SAMSN1: variants seen among roughly 807,000 people sequenced by gnomAD.
SAMSN1 encodes the protein SAM domain, SH3 domain and nuclear localization signals 1.
In SAMSN1, 31 loss-of-function variants were observed where a neutral mutation model predicts 42.0. The ratio of observed to expected loss-of-function variants is 0.74; its 90% CI spans 0.55 to 1.00. SAMSN1 has a LOEUF of 1.00. Ranked by LOEUF, SAMSN1 falls within the 50% of genes least tolerant of loss-of-function variation. The pLI, the probability that SAMSN1 is intolerant of heterozygous loss-of-function variation, is 0.00. For missense variants in SAMSN1, 464 were observed against 439.4 expected (o/e 1.06, Z -0.50); for synonymous variants, 178 against 151.9 (o/e 1.17, Z -1.26).
chr21:14,599,589 A>G (rs766531897), intron 6 of SAMSN1, among the ~76,000 whole-genome samples: 1 of 152,236 alleles, frequency 6.6e-6, no homozygotes, highest in East Asian at 1.9e-4. Context: ...TCCTTCTACA[A>G]TAGGTTAATG....
chr21:14,592,766 G>A (rs1041139183), intron 7 of SAMSN1: 3 of 210,250 alleles, frequency 1.4e-5, no homozygotes, highest in East Asian at 1.3e-4. Context: ...GCAGAAATAC[G>A]AATTAAGTGG....
At chr21:14,555,909 T>C (rs1239127304) in intron 2 of SAMSN1, among the ~76,000 whole-genome samples, 1 of 152,202 alleles carries the variant, frequency 6.6e-6, no homozygotes, top group Non-Finnish European at 1.5e-5. Context: ...AACTTTTATC[T>C]GAACATAGTA....
At position 14,530,214 on chromosome 21, in the gene SAMSN1, G is replaced by A. The variant is rs913603645; in HGVS notation, c.58-8993C>T. Among the ~76,000 whole-genome samples, 27 of 151,952 alleles carry A rather than the reference G, an allele frequency of 1.8e-4. 3 individuals carry two copies. The highest frequency in any genetic ancestry group is 1.2e-3 in the Admixed American group (18 of 15,264). Reference sequence around the variant, plus strand: ...TGCCTGTAGTCCCAGCTACTTGGGAGGCTGAGGCAGGAGAATGGCGTGAAC... The same window carrying A: ...TGCCTGTAGTCCCAGCTACTTGGGAAGCTGAGGCAGGAGAATGGCGTGAAC... On this transcript the variant is annotated intron_variant, in intron 1 of 7. Transcript: ENST00000400566.
At chr21:14,553,978 T>C (rs747680966) in intron 2 of SAMSN1, among the ~76,000 whole-genome samples, 1 of 152,162 alleles carries the variant, frequency 6.6e-6, no homozygotes, top group Non-Finnish European at 1.5e-5. Flanking sequence ...AACGGATTAG[T>C]CCAATGTTGA....
At chr21:14,613,712 A>G (rs562686732) in intron 3 of SAMSN1, among the ~76,000 whole-genome samples, 1 of 152,258 alleles carries the variant, frequency 6.6e-6, no homozygotes, top group Admixed American at 6.5e-5. Flanking sequence ...AATATTGTAA[A>G]GTGAGGTAAG....
chr21:14,502,256 G>GCTGGGT (rs59866274), intron 5 of SAMSN1, among the ~76,000 whole-genome samples: 39,987 of 151,604 alleles, frequency 0.26, 7,173 homozygotes, highest in African/African-American at 0.52. Flanking sequence ...GATCTGTTAG[G>GCTGGGT]CTTTCTGCCT....
At chr21:14,530,412 C>T (rs1979194540) in intron 1 of SAMSN1, among the ~76,000 whole-genome samples, 2 of 151,376 alleles carry the variant, frequency 1.3e-5, no homozygotes, top group Admixed American at 6.6e-5. Context: ...GGAACATATG[C>T]TATGTATAAG....
intron 2 of SAMSN1, among the ~76,000 whole-genome samples, chr21:14,621,238 A>AT (rs1982995589): frequency 6.6e-6 from 1 of 152,230 alleles, no homozygotes; most frequent in African/African-American, 2.4e-5. Context: ...TGAGTGACAC[A>AT]GAAGACGGGT....
At chr21:14,536,905 C>A (rs142656980) in intron 1 of SAMSN1, among the ~76,000 whole-genome samples, 3 of 152,222 alleles carry the variant, frequency 2.0e-5, no homozygotes, top group African/African-American at 7.2e-5. Flanking sequence ...CAAATATATC[C>A]CAAATTTAGA....
chr21:14,506,820 C>G (rs1987432649), intron 5 of SAMSN1, among the ~76,000 whole-genome samples: 1 of 152,100 alleles, frequency 6.6e-6, no homozygotes, highest in Non-Finnish European at 1.5e-5. Flanking sequence ...CTGAATTCAA[C>G]AACATATCAA....
Position 14,621,479 on chromosome 21 carries a change from G to A in SAMSN1, c.157-5463C>T, listed in dbSNP as rs1433761713. ...CACTTTTCCAACAGTCTTAGCAAAC[G>A]GCACTCCAGGAGATTATATCCCACA... is the stretch of plus-strand genomic sequence containing the variant. On this transcript the variant is annotated intron_variant, in intron 2 of 15. Transcript: ENST00000647101. Among the ~76,000 whole-genome samples the A allele has an allele frequency of 2.0e-5, 3 of 152,276 alleles. No individual in the cohort carries two copies. The East Asian group carries it at 5.8e-4, about 29-fold the overall frequency.
At chr21:14,543,592 A>C (rs1035811034) in intron 1 of SAMSN1, among the ~76,000 whole-genome samples, 1 of 152,156 alleles carries the variant, frequency 6.6e-6, no homozygotes, top group African/African-American at 2.4e-5. Flanking sequence ...TTAGCTTTCA[A>C]TTGGAAAGTT....
intron 1 of SAMSN1, among the ~76,000 whole-genome samples, chr21:14,651,369 A>G (rs1046455013): frequency 1.3e-5 from 2 of 152,074 alleles, no homozygotes; most frequent in African/African-American, 4.8e-5. Flanking sequence ...GGATGCAAAG[A>G]TAGTTCAACA....
chr21:14,598,664 A>G (rs983390973), intron 6 of SAMSN1, among the ~76,000 whole-genome samples: 1 of 152,156 alleles, frequency 6.6e-6, no homozygotes, highest in Non-Finnish European at 1.5e-5. Flanking sequence ...AACTTCTTCC[A>G]TGCCTGAGAT....
At chr21:14,592,204 G>C (rs1019394878) in intron 7 of SAMSN1, 1 of 152,140 alleles carries the variant, frequency 6.6e-6, no homozygotes, top group African/African-American at 2.4e-5. Flanking sequence ...CTACTCATAA[G>C]AACATTTCTG....
At chr21:14,551,119 A>T (rs1447979034), upstream of SAMSN1, among the ~76,000 whole-genome samples, 2 of 152,062 alleles carry the variant, frequency 1.3e-5, no homozygotes, top group African/African-American at 2.4e-5. Flanking sequence ...TCTACCCTTG[A>T]TGTGCTCAAA....
At chr21:14,606,088 C>T (rs189959822) in intron 5 of SAMSN1, among the ~76,000 whole-genome samples, 2 of 152,218 alleles carry the variant, frequency 1.3e-5, no homozygotes, top group Admixed American at 1.3e-4. Context: ...GATCCGCCCG[C>T]CTCGGCTGCC....
At chr21:14,495,839 G>C (rs1986894724) in intron 7 of SAMSN1, 3 of 152,174 alleles carry the variant, frequency 2.0e-5, no homozygotes, top group African/African-American at 7.2e-5. Context: ...TTAGCTACTT[G>C]GATTTTCATC....
intron 1 of SAMSN1, among the ~76,000 whole-genome samples, chr21:14,528,215 C>T (rs1170923817): frequency 6.6e-6 from 1 of 152,090 alleles, no homozygotes; most frequent in Non-Finnish European, 1.5e-5. Context: ...TTGGCCTACT[C>T]ACTCCTATAA....
Sources: allele counts gnomAD v4.1 joint callset (sites outside exome capture counted in the v4.1 genomes callset), GRCh38; gene constraint gnomAD v4.1.1; transcripts MANE v1.5; gene names NCBI Gene and HGNC (gene_info 2026-07-23, HGNC 2026-07-21).